NUB1: variants seen among roughly 807,000 people sequenced by gnomAD.
NUB1 encodes the protein NEDD8 ultimate buster 1.
A neutral mutation model predicts 77.1 loss-of-function variants in NUB1; 41 were observed. The ratio of observed to expected loss-of-function variants is 0.53; its 90% CI spans 0.41 to 0.69. The LOEUF (loss-of-function observed/expected upper bound fraction) is 0.69. Among genes scored for constraint, NUB1 ranks in the 30% least tolerant of loss-of-function variants. The pLI is 0.00. For missense variants in NUB1, 643 were observed against 743.8 expected, an observed-to-expected ratio of 0.86 and a Z score of 1.58; for synonymous variants, 257 against 281.0, an observed-to-expected ratio of 0.91 and a Z score of 0.85.
chr7:151,366,480 AT>A (rs1200804992), intron 8 of NUB1, among the ~76,000 whole-genome samples: 3 of 151,414 alleles, frequency 2.0e-5, no homozygotes, highest in East Asian at 3.9e-4. Context: ...ACCCCCAGAA[AT>A]TTCTGTTATG....
chr7:151,345,489 A>G (rs1167100810), intron 2 of NUB1, 23 bp downstream of exon 2: 1 of 1,164,586 alleles, frequency 8.6e-7, no homozygotes, highest in Admixed American at 2.0e-5. Flanking sequence ...TAAGACATCA[A>G]TAATTAGCAG....
chr7:151,376,079 C>G, intron 13 of NUB1, 136 bp downstream of exon 13: 2 of 676,870 alleles, frequency 3.0e-6, no homozygotes, highest in Non-Finnish European at 5.4e-6. Context: ...GTGTAACCTG[C>G]CCACCTCAGA....
intron 7 of NUB1, among the ~76,000 whole-genome samples, chr7:151,359,167 G>A (rs1486812724): frequency 1.3e-5 from 2 of 150,928 alleles, no homozygotes; most frequent in Non-Finnish European, 3.0e-5. Context: ...GGCCGGGCAC[G>A]GTGGCTCATG....
chr7:151,359,062 C>G (rs1293358641), intron 7 of NUB1, among the ~76,000 whole-genome samples: 1 of 149,298 alleles, frequency 6.7e-6, no homozygotes, highest in African/African-American at 2.5e-5. Flanking sequence ...GAGACTCTGT[C>G]TCAAAAAAAA....
intron 8 of NUB1, among the ~76,000 whole-genome samples, chr7:151,363,232 A>G (rs185392907): frequency 6.6e-6 from 1 of 152,344 alleles, no homozygotes; most frequent in Admixed American, 6.5e-5. Flanking sequence ...AGTGACTGTA[A>G]TCCATCTGCT....
chr7:151,352,769 G>T, intron 4 of NUB1, 43 bp from the exon 5 acceptor site: 1 of 1,250,252 alleles, frequency 8.0e-7, no homozygotes, highest in East Asian at 2.3e-5. Context: ...ATAATAAATC[G>T]CAATTTTGTT....
intron 11 of NUB1, among the ~76,000 whole-genome samples, chr7:151,373,041 T>C (rs1202016890): frequency 4.6e-5 from 7 of 152,126 alleles, no homozygotes; most frequent in Admixed American, 3.3e-4. Flanking sequence ...TCCACAATGA[T>C]GATGCTTTTG....
intron 11 of NUB1, among the ~76,000 whole-genome samples, chr7:151,371,771 C>G (rs1204630573): frequency 6.6e-6 from 1 of 152,184 alleles, no homozygotes; most frequent in Non-Finnish European, 1.5e-5. Context: ...TGAGACAGAG[C>G]CTTGCTCTCT....
intron 12 of NUB1, among the ~76,000 whole-genome samples, chr7:151,375,502 C>T (rs532804778): frequency 4.6e-4 from 70 of 152,326 alleles, no homozygotes; most frequent in African/African-American, 1.4e-3. Context: ...GAGGGCATGA[C>T]GCTTTCAAAG....
At chr7:151,365,328 T>C (rs1797617853) in intron 8 of NUB1, among the ~76,000 whole-genome samples, 1 of 151,892 alleles carries the variant, frequency 6.6e-6, no homozygotes, top group Non-Finnish European at 1.5e-5. Context: ...CTTTTTTTTT[T>C]TTTTGGCTGC....
At chr7:151,368,593 A>G in intron 10 of NUB1, 142 bp from the exon 11 acceptor site, 5 of 880,160 alleles carry the variant, frequency 5.7e-6, no homozygotes, top group Non-Finnish European at 6.8e-6. Flanking sequence ...TGTTAATAAC[A>G]GGCCTAGTTT....
rs752193946 is a variant in NUB1 at position 151,349,081 on chromosome 7, T to C, written c.126T>C (p.Ala42=). The part of the protein sequence containing the change: ...KKVGLALKDL[A]KQYSDRLECC... ...CTGATTTTTCTTGATAGGACCTTGCTAAGCAGTACTCTGACAGACTAGAAT... is the reference window on the plus strand; with the variant it reads ...CTGATTTTTCTTGATAGGACCTTGCCAAGCAGTACTCTGACAGACTAGAAT... The change falls in exon 3 of 15, where the codon GCT becomes GCC. Residue 42 remains alanine, a synonymous_variant. Coordinates refer to ENST00000568733, the MANE Select transcript of NUB1 (RefSeq NM_001243351.2). The C allele has an allele frequency of 1.4e-5, 23 of 1,609,786 alleles. No individual in the cohort carries two copies. The highest frequency in any genetic ancestry group is 6.8e-5 in the Admixed American group (4 of 58,536).
intron 4 of NUB1, chr7:151,352,451 T>C: frequency 3.7e-6 from 1 of 268,236 alleles, no homozygotes; most frequent in East Asian, 1.0e-4. Context: ...TTAAAAAATA[T>C]TTATTTTTTA....
At chr7:151,349,669 C>T (rs758923260) in intron 3 of NUB1, among the ~76,000 whole-genome samples, 24 of 152,226 alleles carry the variant, frequency 1.6e-4, no homozygotes, top group Non-Finnish European at 2.2e-4. Flanking sequence ...GTCACCTCCT[C>T]TCATTGCCAT....
chr7:151,369,295 A>AC (rs1265389768), intron 11 of NUB1: 1 of 153,502 alleles, frequency 6.5e-6, no homozygotes, highest in East Asian at 1.9e-4. Flanking sequence ...GGTGTGAGCC[A>AC]CCGCGCCTGG....
In NUB1 at chr7:151,374,208, C is replaced by T. The variant is rs1798097827; in HGVS notation, c.1360C>T (p.His454Tyr). Reference protein sequence around the residue: ...YSTHAAQQVLHAASGNLDEAL... With the variant: ...YSTHAAQQVLYAASGNLDEAL... ...CACGCACGCGGCCCAGCAGGTACTC[C>T]ACGCAGCCAGCGGGAACTTGGATGA... Residue 454 changes from histidine (H) to tyrosine (Y), a missense_variant, in exon 12 of 15, where the codon CAC (histidine) becomes TAC (tyrosine). Physicochemically the swap from His to Tyr is moderately conservative, Grantham distance 83. Coordinates refer to ENST00000568733, the MANE Select transcript of NUB1 (RefSeq NM_001243351.2). The T allele has an allele frequency of 1.9e-6, 3 of 1,566,174 alleles. No individual in the cohort carries two copies. The highest frequency in any genetic ancestry group is 2.4e-5 in the East Asian group (1 of 41,756).
In NUB1 at chr7:151,376,483, A is replaced by G; in HGVS notation, c.1492-151A>G. The G allele has an allele frequency of 2.7e-6, 2 of 754,202 alleles. 1 individual carries two copies. Among genetic ancestry groups the G allele is most frequent in the South Asian group, 4.4e-5 (2 of 45,396 alleles). 46.7% of individuals were successfully genotyped at this position (754,202 alleles called of 1,614,324 possible). A position where few individuals can be genotyped will look rare whatever the true frequency, so the allele number is the denominator to read the frequency against. On this transcript the variant is annotated intron_variant, in intron 13 of 14. Transcript: ENST00000568733. ...CCCTTCCAGGTTGCTCTACGCTCAC[A>G]TTGCACAGAAGCATGACTTGTGCAC...
Position 151,367,946 on chromosome 7 carries a change from AGGC to A in NUB1, c.1074_1076del (p.Glu358_Ala359delinsAsp). On this transcript the variant is annotated inframe_deletion, in exon 10 of 15. Coordinates refer to ENST00000568733, the MANE Select transcript of NUB1 (RefSeq NM_001243351.2). ...AACTATCACAGTGGAAATGATGTAG[AGGC>A]TTATGAGTATCTTAACAAGGTAAGA... 1 of 1,585,446 alleles carries A rather than the reference AGGC, an allele frequency of 6.3e-7. No individual in the cohort carries two copies. Among genetic ancestry groups the A allele is most frequent in the Non-Finnish European group, 8.6e-7 (1 of 1,163,218 alleles).
intron 3 of NUB1, 68 bp downstream of exon 3, chr7:151,349,308 G>A (rs1339260792): frequency 1.5e-6 from 2 of 1,311,326 alleles, no homozygotes; most frequent in Non-Finnish European, 2.1e-6. Context: ...ATAAATTGTT[G>A]TTGTTTGGAA....
Sources: allele counts gnomAD v4.1 joint callset (sites outside exome capture counted in the v4.1 genomes callset), GRCh38; gene constraint gnomAD v4.1.1; transcripts MANE v1.5; gene names NCBI Gene and HGNC (gene_info 2026-07-23, HGNC 2026-07-21).